Variants in HECTD3 observed in about 807,000 individuals in gnomAD.
HECTD3 encodes the protein HECT domain E3 ubiquitin protein ligase 3.
Under a neutral mutation model 109.3 loss-of-function variants are expected in HECTD3, and 72 were observed. The observed-to-expected ratio is 0.66, with a 90% CI of 0.54 to 0.80. The LOEUF (loss-of-function observed/expected upper bound fraction) is 0.80, where lower values mean the gene tolerates loss of function less well. Ranked by LOEUF, HECTD3 falls within the 30% of genes least tolerant of loss-of-function variation. The pLI is 0.00. For missense variants in HECTD3, 1,041 were observed against 1,165.2 expected (o/e 0.89, Z 1.55); for synonymous variants, 481 against 471.8 (o/e 1.02, Z -0.25).
Position 45,006,940 on chromosome 1 carries a change from C to G in HECTD3, c.1621+11G>C. ...AAGCAGGACCCTTGAGATCCTCCCT[C>G]AGGGCCTCACCTTGGTCAATGATGC... On this transcript the variant is annotated intron_variant, in intron 12 of 20. Transcript: ENST00000372172. The surrounding 1 kb of genome is among the most constrained non-coding windows in gnomAD (Gnocchi z 4.7). 6.2e-7 allele frequency: 1 copy of G among 1,613,692 alleles called. No homozygotes were observed. The highest frequency in any genetic ancestry group is 8.5e-7 in the Non-Finnish European group (1 of 1,179,606).
chr1:45,005,892 C>G lies in HECTD3; in HGVS notation c.1846-9G>C. 1 of 1,604,534 alleles carries G rather than the reference C, an allele frequency of 6.2e-7. No individual in the cohort carries two copies. Among genetic ancestry groups the G allele is most frequent in the Non-Finnish European group, 8.5e-7 (1 of 1,175,352 alleles). ...CCAGGCAGGGCCAGGACCTGTGTGACAAACACTCCCCACTGTCTTCTCACC... is the reference window on the plus strand; with the variant it reads ...CCAGGCAGGGCCAGGACCTGTGTGAGAAACACTCCCCACTGTCTTCTCACC... On this transcript the variant is annotated splice_polypyrimidine_tract_variant and intron_variant, in intron 14 of 20. Coordinates refer to ENST00000372172, the MANE Select transcript of HECTD3 (RefSeq NM_024602.6).
rs774871050 is a variant in HECTD3 at position 45,009,161 on chromosome 1, C to A, written c.1055G>T (p.Arg352Leu). 2 of 1,613,996 alleles carry A rather than the reference C, an allele frequency of 1.2e-6. No homozygotes were observed. The highest frequency in any genetic ancestry group is 1.3e-5 in the African/African-American group (1 of 75,052). ...MTVHLPIIEIRIVECRDDGID... is the reference protein window; with the variant it reads ...MTVHLPIIEILIVECRDDGID... The stretch of plus-strand genomic sequence containing the variant: ...AACCTCACCTCGGCACTCCACGATG[C>A]GGATCTCGATGATCGGGAGGTGGAC... Residue 352 changes from arginine to leucine, a missense_variant, in exon 7 of 21, where the codon CGC becomes CTC. Coordinates refer to ENST00000372172, the MANE Select transcript of HECTD3 (RefSeq NM_024602.6).
At chr1:45,009,838 T>C in intron 4 of HECTD3, 148 bp downstream of exon 4, 1 of 1,132,132 alleles carries the variant, frequency 8.8e-7, no homozygotes, top group Non-Finnish European at 1.3e-6. Context: ...TAAGGGGTCC[T>C]ATAGACGTCC....
At position 45,011,279 on chromosome 1, in the gene HECTD3, A is replaced by T; in HGVS notation, c.-22T>A. The T allele has an allele frequency of 1.5e-6, 2 of 1,351,490 alleles. No individual in the cohort carries two copies. The highest frequency in any genetic ancestry group is 1.9e-6 in the Non-Finnish European group (2 of 1,057,108). 83.7% of individuals were successfully genotyped at this position (1,351,490 alleles called of 1,614,324 possible). Reference sequence around the variant, plus strand: ...CCATGGCGAAGTGGCGGAGGTGAGCACCTAGAGGCGACCCTGCCCGGGGAA... The same window carrying T: ...CCATGGCGAAGTGGCGGAGGTGAGCTCCTAGAGGCGACCCTGCCCGGGGAA... On this transcript the variant is annotated 5_prime_UTR_variant, in exon 1 of 21. Coordinates refer to ENST00000372172, the MANE Select transcript of HECTD3 (RefSeq NM_024602.6).
In HECTD3 at chr1:45,010,227, T is replaced by A; in HGVS notation, c.597A>T (p.Ala199=). 1 of 1,614,078 alleles carries A rather than the reference T, an allele frequency of 6.2e-7. No individual in the cohort carries two copies. The highest frequency in any genetic ancestry group is 1.3e-5 in the African/African-American group (1 of 75,018). ...GTAGCCTTTGTACAGCTTCTGCGTA[T>A]GCCTCTGCCGGCTGAGGTCTCGATC... ...RLGSRPQPAE[A]YAEAVQRLLY... The change falls in exon 3 of 21, where the codon GCA becomes GCT. Residue 199 remains alanine (A), a synonymous_variant. Transcript: ENST00000372172.
chr1:45,003,904 C>T lies in HECTD3; in HGVS notation c.2380G>A (p.Gly794Ser). ...ATCCGTGCTGGCAGGCGACTGCGGCCCGTGACAAAGCGCAGGAAGCGGCTC... is the reference window on the plus strand; with the variant it reads ...ATCCGTGCTGGCAGGCGACTGCGGCTCGTGACAAAGCGCAGGAAGCGGCTC... ...DRSRFLRFVT[G>S]RSRLPARIYI... Residue 794 changes from glycine (G) to serine (S), a missense_variant, in exon 19 of 21, where the codon GGC (glycine) becomes AGC (serine). By Grantham distance (56) the Gly-to-Ser change is moderately conservative. Around this residue, in one of 2 missense-constraint regions of HECTD3, gnomAD observed 569 missense variants for 715.3 expected, o/e 0.80. Transcript: ENST00000372172. This position sits in a 1 kb window ranked among gnomAD's most constrained non-coding sequence, Gnocchi z 4.7. 6.2e-7 allele frequency: 1 copy of T among 1,613,472 alleles called. No homozygotes were observed. Among genetic ancestry groups the T allele is most frequent in the Non-Finnish European group, 8.5e-7 (1 of 1,179,684 alleles).
In HECTD3 at chr1:45,006,599, C is replaced by A; in HGVS notation, c.1725+93G>T. 9.3e-7 allele frequency: 1 copy of A among 1,077,928 alleles called. No individual in the cohort carries two copies. Among genetic ancestry groups the A allele is most frequent in the Non-Finnish European group, 1.4e-6 (1 of 733,052 alleles). 66.8% of individuals were successfully genotyped at this position (1,077,928 alleles called of 1,614,324 possible). On this transcript the variant is annotated intron_variant, in intron 13 of 20. Transcript: ENST00000372172. This position sits in a 1 kb window ranked among gnomAD's most constrained non-coding sequence, Gnocchi z 4.7. ...TTACAGGCGTGAGCCACTGTGCCTG[C>A]CCCCTTTCTAGCTCAATCTGGCCCC...
chr1:45,009,465 A>G lies in HECTD3; in HGVS notation c.893T>C (p.Val298Ala), dbSNP rs1479388759. Residue 298 changes from valine to alanine, a missense_variant, in exon 6 of 21, where the codon GTG becomes GCG. By Grantham distance (64) the Val-to-Ala change is moderately conservative (BLOSUM62 0). Transcript: ENST00000372172. The stretch of plus-strand genomic sequence containing the variant: ...CATAAAGTTGTCATCTGTGGTATCC[A>G]CTGTGAGTAGCAGCTTCCTGAAGGG... The part of the protein sequence containing the change: ...GTIVKKLLLT[V>A]DTTDDNFMPK... 6.2e-7 allele frequency: 1 copy of G among 1,613,870 alleles called. No individual in the cohort carries two copies. Among genetic ancestry groups the G allele is most frequent in the Non-Finnish European group, 8.5e-7 (1 of 1,179,900 alleles).
rs775191812 is a variant in HECTD3 at position 45,008,285 on chromosome 1, C to T, written c.1275G>A (p.Leu425=). The T allele has an allele frequency of 3.7e-6, 6 of 1,614,144 alleles. No homozygotes were observed. The highest frequency in any genetic ancestry group is 5.1e-6 in the Non-Finnish European group (6 of 1,180,006). Reference sequence around the variant, plus strand: ...CCAGTGTGTGGTCCCAGGCAGGTACCAGGTGGTGCAGGACACTATCGAGGA... The same window carrying T: ...CCAGTGTGTGGTCCCAGGCAGGTACTAGGTGGTGCAGGACACTATCGAGGA... ...IKILDSVLHH[L]VPAWDHTLGT... The change falls in exon 9 of 21, where the codon CTG becomes CTA. Residue 425 remains leucine (L), a synonymous_variant. Coordinates refer to ENST00000372172, the MANE Select transcript of HECTD3 (RefSeq NM_024602.6).
chr1:45,008,304 T>G lies in HECTD3; in HGVS notation c.1256A>C (p.Asp419Ala). ...VLLQRFIKILDSVLHHLVPAW... is the reference protein window; with the variant it reads ...VLLQRFIKILASVLHHLVPAW... ...AGGTACCAGGTGGTGCAGGACACTA[T>G]CGAGGATCTTGATGAATCTGGCATG... The change falls in exon 9 of 21, where the codon GAT (aspartate) becomes GCT (alanine). Residue 419 changes from aspartate to alanine, a missense_variant. Coordinates refer to ENST00000372172, the MANE Select transcript of HECTD3 (RefSeq NM_024602.6). The G allele has an allele frequency of 6.2e-7, 1 of 1,614,048 alleles. No individual in the cohort carries two copies. Among genetic ancestry groups the G allele is most frequent in the Non-Finnish European group, 8.5e-7 (1 of 1,179,912 alleles).
In HECTD3 at chr1:45,010,027, C is replaced by G. The variant is rs771331452; in HGVS notation, c.718G>C (p.Val240Leu). 1 of 1,557,378 alleles carries G rather than the reference C, an allele frequency of 6.4e-7. No homozygotes were observed. The highest frequency in any genetic ancestry group is 2.3e-5 in the East Asian group (1 of 44,374). The change falls in exon 4 of 21, where the codon GTG becomes CTG. Residue 240 changes from valine (V) to leucine (L), a missense_variant. Val to Leu is a conservative substitution (Grantham distance 32). This residue lies in a region of HECTD3 where 472 missense variants were observed against 449.9 expected (regional missense o/e 1.05). Coordinates refer to ENST00000372172, the MANE Select transcript of HECTD3 (RefSeq NM_024602.6). ...TCTATGCTCTCCACATACTGCTTCACGCTACCCAGGTTCTCATCCTCCTTG... is the reference window on the plus strand; with the variant it reads ...TCTATGCTCTCCACATACTGCTTCAGGCTACCCAGGTTCTCATCCTCCTTG... ...LGKEDENLGSVKQYVESIDVS... is the reference protein window; with the variant it reads ...LGKEDENLGSLKQYVESIDVS...
chr1:45,004,988 G>A, intron 15 of HECTD3, 182 bp from the exon 16 acceptor site: 1 of 622,310 alleles, frequency 1.6e-6, no homozygotes, highest in Non-Finnish European at 2.9e-6. Flanking sequence ...AACCAGCCTT[G>A]GAGGCCAGAG....
Position 45,011,145 on chromosome 1 carries a change from G to C in HECTD3, c.113C>G (p.Ala38Gly). Residue 38 changes from alanine (A) to glycine (G), a missense_variant, in exon 1 of 21, where the codon GCA becomes GGA. Physicochemically the swap from Ala to Gly is moderately conservative, Grantham distance 60. Around this residue, in one of 2 missense-constraint regions of HECTD3, gnomAD observed 472 missense variants for 449.9 expected, o/e 1.05. Coordinates refer to ENST00000372172, the MANE Select transcript of HECTD3 (RefSeq NM_024602.6). ...RSLRAGRPLPAALAFVPREVL... is the reference protein window; with the variant it reads ...RSLRAGRPLPGALAFVPREVL... The stretch of plus-strand genomic sequence containing the variant: ...CTCTCGCGGCACGAAAGCCAGCGCT[G>C]CTGGCAGCGGCCGCCCGGCGCGGAG... 6.6e-7 allele frequency: 1 copy of C among 1,506,680 alleles called. No homozygotes were observed. The highest frequency in any genetic ancestry group is 8.8e-7 in the Non-Finnish European group (1 of 1,136,494). 93.3% of individuals were successfully genotyped at this position (1,506,680 alleles called of 1,614,324 possible). A position where few individuals can be genotyped will look rare whatever the true frequency, so the allele number is the denominator to read the frequency against.
intron 4 of HECTD3, 100 bp downstream of exon 4, chr1:45,009,886 C>T (rs914312134): frequency 7.1e-7 from 1 of 1,416,710 alleles, no homozygotes; most frequent in Non-Finnish European, 9.6e-7. Flanking sequence ...CTGTGGGGAC[C>T]CTGTTTTAGT....
At position 45,009,138 on chromosome 1, in the gene HECTD3, C is replaced by T. The variant is rs1256609533; in HGVS notation, c.1072+6G>A. ...CTCTTTCCCTCCTTATAGCCTTAAA[C>T]CTCACCTCGGCACTCCACGATGCGG... On this transcript the variant is annotated splice_donor_region_variant and intron_variant, in intron 7 of 20. Coordinates refer to ENST00000372172, the MANE Select transcript of HECTD3 (RefSeq NM_024602.6). 1 of 1,612,882 alleles carries T rather than the reference C, an allele frequency of 6.2e-7. No homozygotes were observed. Among genetic ancestry groups the T allele is most frequent in the Admixed American group, 1.7e-5 (1 of 60,020 alleles).
rs1355429489 is a variant in HECTD3 at position 45,006,095 on chromosome 1, G to A, written c.1747C>T (p.Arg583Trp). Reference sequence around the variant, plus strand: ...GAGGGGTTGGGTACATACATGTCCCGAGCCTCACCAGTGCCATTGCCCTGC... The same window carrying A: ...GAGGGGTTGGGTACATACATGTCCCAAGCCTCACCAGTGCCATTGCCCTGC... ...ANQGNGTGEA[R>W]DMYVPNPSCR... Residue 583 changes from arginine to tryptophan, a missense_variant, in exon 14 of 21, where the codon CGG becomes TGG. Physicochemically the swap from Arg to Trp is moderately radical, Grantham distance 101. Around this residue, in one of 2 missense-constraint regions of HECTD3, gnomAD observed 569 missense variants for 715.3 expected, o/e 0.80. Coordinates refer to ENST00000372172, the MANE Select transcript of HECTD3 (RefSeq NM_024602.6). The surrounding 1 kb of genome is among the most constrained non-coding windows in gnomAD (Gnocchi z 4.7). 21 of 1,614,036 alleles carry A rather than the reference G, an allele frequency of 1.3e-5. No individual in the cohort carries two copies. The highest frequency in any genetic ancestry group is 5.5e-5 in the South Asian group (5 of 91,076).
rs1463828353 is a variant in HECTD3 at position 45,008,672 on chromosome 1, C to G, written c.1102G>C (p.Val368Leu). ...DDGIDVRLRG[V>L]KIKSSRQREL... ...CGCTGTCTAGATGACTTGATCTTGA[C>G]CCCTCGGAGACGAACATCAATCCCA... Residue 368 changes from valine to leucine, a missense_variant, in exon 8 of 21, where the codon GTC becomes CTC. Val to Leu is a conservative substitution (Grantham distance 32, BLOSUM62 1). This residue lies in a region of HECTD3 where 569 missense variants were observed against 715.3 expected (regional missense o/e 0.80). Coordinates refer to ENST00000372172, the MANE Select transcript of HECTD3 (RefSeq NM_024602.6). 6.2e-7 allele frequency: 1 copy of G among 1,613,796 alleles called. No individual in the cohort carries two copies. Among genetic ancestry groups the G allele is most frequent in the South Asian group, 1.1e-5 (1 of 91,074 alleles).
At chr1:45,009,889 G>T in intron 4 of HECTD3, 97 bp downstream of exon 4, 1 of 1,437,982 alleles carries the variant, frequency 7.0e-7, no homozygotes, top group Admixed American at 2.3e-5. Context: ...TGGGGACCCT[G>T]TTTTAGTCCT....
chr1:45,007,793 T>C (rs1644749927), intron 9 of HECTD3, among the ~76,000 whole-genome samples, 198 bp from the exon 10 acceptor site: 1 of 152,094 alleles, frequency 6.6e-6, no homozygotes, highest in Non-Finnish European at 1.5e-5. Context: ...ATACTGTCAT[T>C]ACCTTCCTTA....
Sources: allele counts gnomAD v4.1 joint callset (sites outside exome capture counted in the v4.1 genomes callset), GRCh38; gene constraint gnomAD v4.1.1; regional missense constraint gnomAD v4.1.1; non-coding constraint Gnocchi (gnomAD v3.1); transcripts MANE v1.5; gene names NCBI Gene and HGNC (gene_info 2026-07-23, HGNC 2026-07-21).